The following NDUFS1 variants were observed in gnomAD, a reference collection of about 807,000 sequenced individuals.
NDUFS1 encodes the protein NADH-ubiquinone oxidoreductase 75 kDa subunit, mitochondrial.
A neutral mutation model predicts 84.4 loss-of-function variants in NDUFS1; 61 were observed. The ratio of observed to expected loss-of-function variants is 0.72; its 90% CI spans 0.59 to 0.89. The LOEUF is 0.89. Ranked by LOEUF, NDUFS1 falls within the 40% of genes least tolerant of loss-of-function variation. The pLI is 0.00. For synonymous variants in NDUFS1, 275 were observed against 290.0 expected (o/e 0.95, Z 0.53); for missense variants, 891 against 890.0 (o/e 1.00, Z -0.01).
intron 3 of NDUFS1, 70 bp downstream of exon 3, chr2:206,152,349 T>C (rs1337283448): frequency 1.8e-6 from 2 of 1,096,480 alleles, no homozygotes; most frequent in South Asian, 1.3e-5. Flanking sequence ...ATAATCAGTA[T>C]AAAGGAAATA....
chr2:206,150,000 A>G, intron 3 of NDUFS1, 75 bp from the exon 4 acceptor site: 1 of 928,756 alleles, frequency 1.1e-6, no homozygotes, highest in South Asian at 1.3e-5. Context: ...TTGCTGAAAC[A>G]CACACATACA....
chr2:206,116,987 T>A lies in NDUFS1; in HGVS notation c.*7198A>T, dbSNP rs566522318. On this transcript the variant is annotated 3_prime_UTR_variant, in exon 19 of 19. Transcript: ENST00000233190. ...TGAGCTGAGATTGTGCCACTGCACT[T>A]CAGCCTGGGCGACAAACTGAGACTC... 13 of 152,096 alleles carry A rather than the reference T, an allele frequency of 8.5e-5. No individual in the cohort carries two copies. Among genetic ancestry groups the A allele is most frequent in the African/African-American group, 2.2e-4 (9 of 41,434 alleles). The allele number at this position is 152,096 out of a possible 1,614,324, so 9.4% of individuals were successfully genotyped here.
intron 13 of NDUFS1, among the ~76,000 whole-genome samples, chr2:206,134,629 G>C (rs1334719428): frequency 3.3e-5 from 5 of 151,448 alleles, no homozygotes; most frequent in Admixed American, 6.6e-5. Flanking sequence ...TTAAATACAA[G>C]GACAGGAAAG....
chr2:206,131,379 T>C (rs1463354295), intron 14 of NDUFS1, among the ~76,000 whole-genome samples: 1 of 152,212 alleles, frequency 6.6e-6, no homozygotes, highest in African/African-American at 2.4e-5. Context: ...ATTAACATTT[T>C]TATTTACAAA....
In NDUFS1 at chr2:206,138,622, A is replaced by G. The variant is rs1297091011; in HGVS notation, c.1263-8T>C. ...AAGTCATTATGCAGCCAGCTGAAATAAAAACAACATTTTAAGAAGTAAATA... is the reference window on the plus strand; with the variant it reads ...AAGTCATTATGCAGCCAGCTGAAATGAAAACAACATTTTAAGAAGTAAATA... On this transcript the variant is annotated splice_polypyrimidine_tract_variant and splice_region_variant and intron_variant, in intron 12 of 18. Coordinates refer to ENST00000233190, the MANE Select transcript of NDUFS1 (RefSeq NM_005006.7). 1 of 1,613,620 alleles carries G rather than the reference A, an allele frequency of 6.2e-7. No individual in the cohort carries two copies. The highest frequency in any genetic ancestry group is 8.5e-7 in the Non-Finnish European group (1 of 1,179,612).
chr2:206,131,866 G>A (rs1257463107), intron 14 of NDUFS1, among the ~76,000 whole-genome samples: 1 of 152,100 alleles, frequency 6.6e-6, no homozygotes, highest in Non-Finnish European at 1.5e-5. Context: ...TTGAACTTCA[G>A]GGATGGAGGT....
At chr2:206,137,309 A>G (rs1462252482) in intron 13 of NDUFS1, among the ~76,000 whole-genome samples, 2 of 152,092 alleles carry the variant, frequency 1.3e-5, no homozygotes, top group Non-Finnish European at 2.9e-5. Flanking sequence ...CCCCGTCTCT[A>G]CTAAAAATAC....
At chr2:206,125,055 A>G (rs749722641) in intron 18 of NDUFS1, among the ~76,000 whole-genome samples, 5 of 150,526 alleles carry the variant, frequency 3.3e-5, no homozygotes, top group Non-Finnish European at 7.4e-5. Context: ...TATGTTGCCC[A>G]GGCTGGTCTG....
rs1417388265 is a variant in NDUFS1 at position 206,121,009 on chromosome 2, T to A, written c.*3176A>T. ...TACTTCTAATTAAACACTCCTGCCA[T>A]TAGTATCTAGCTGTGTAGCCATAAA... On this transcript the variant is annotated 3_prime_UTR_variant, in exon 19 of 19. Coordinates refer to ENST00000233190, the MANE Select transcript of NDUFS1 (RefSeq NM_005006.7). 5 of 152,244 alleles carry A rather than the reference T, an allele frequency of 3.3e-5. No homozygotes were observed. The highest frequency in any genetic ancestry group is 7.3e-5 in the Non-Finnish European group (5 of 68,036). 9.4% of individuals were successfully genotyped at this position (152,244 alleles called of 1,614,324 possible). A position where few individuals can be genotyped will look rare whatever the true frequency, so the allele number is the denominator to read the frequency against.
At chr2:206,150,825 T>C (rs1468638378) in intron 3 of NDUFS1, among the ~76,000 whole-genome samples, 5 of 152,054 alleles carry the variant, frequency 3.3e-5, no homozygotes, top group Admixed American at 1.3e-4. Flanking sequence ...ACCTAACAAA[T>C]GCAGAAAACC....
intron 14 of NDUFS1, 59 bp downstream of exon 14, chr2:206,132,886 A>G: frequency 7.0e-7 from 1 of 1,427,470 alleles, no homozygotes; most frequent in Non-Finnish European, 9.9e-7. Flanking sequence ...TATCAGGAAC[A>G]CATACATATA....
At position 206,122,590 on chromosome 2, in the gene NDUFS1, C is replaced by T. The variant is rs1691128907; in HGVS notation, c.*1595G>A. 4 of 137,840 alleles carry T rather than the reference C, an allele frequency of 2.9e-5. No individual in the cohort carries two copies. In the Admixed American group the frequency reaches 3.0e-4, roughly 10 times the overall value. 8.5% of individuals were successfully genotyped at this position (137,840 alleles called of 1,614,324 possible). ...ATTGCAGTGAGCCAAGATCATGCCA[C>T]TGCATTCCAGCCTTGGGTGACAGAG... On this transcript the variant is annotated 3_prime_UTR_variant, in exon 19 of 19. Transcript: ENST00000233190.
chr2:206,148,696 T>C (rs1438599133), intron 5 of NDUFS1, among the ~76,000 whole-genome samples: 1 of 152,154 alleles, frequency 6.6e-6, no homozygotes, highest in Admixed American at 6.6e-5. Context: ...CAGAAAATAT[T>C]CACATTAATT....
At chr2:206,131,118 A>T (rs983090833) in intron 14 of NDUFS1, among the ~76,000 whole-genome samples, 2 of 152,204 alleles carry the variant, frequency 1.3e-5, no homozygotes, top group African/African-American at 4.8e-5. Context: ...TTTGTTAACT[A>T]TCTAGAAATA....
At chr2:206,126,903 T>C in intron 16 of NDUFS1, 59 bp from the exon 17 acceptor site, 1 of 1,590,350 alleles carries the variant, frequency 6.3e-7, no homozygotes, top group Non-Finnish European at 8.6e-7. Context: ...AAATATCAAA[T>C]AATAGATAAT....
chr2:206,121,474 A>T lies in NDUFS1; in HGVS notation c.*2711T>A, dbSNP rs1332180334. 1 of 152,038 alleles carries T rather than the reference A, an allele frequency of 6.6e-6. No individual in the cohort carries two copies. The highest frequency in any genetic ancestry group is 1.5e-5 in the Non-Finnish European group (1 of 68,010). The allele number at this position is 152,038 out of a possible 1,614,324, so 9.4% of individuals were successfully genotyped here. A position where few individuals can be genotyped will look rare whatever the true frequency, so the allele number is the denominator to read the frequency against. ...TTTATTTATTTATTTTTTGAGAGGGAGGCTTGTTTCTTCACCCAGGCTGCA... is the reference window on the plus strand; with the variant it reads ...TTTATTTATTTATTTTTTGAGAGGGTGGCTTGTTTCTTCACCCAGGCTGCA... On this transcript the variant is annotated 3_prime_UTR_variant, in exon 19 of 19. Coordinates refer to ENST00000233190, the MANE Select transcript of NDUFS1 (RefSeq NM_005006.7).
intron 13 of NDUFS1, among the ~76,000 whole-genome samples, chr2:206,135,483 G>A (rs1354780417): frequency 7.2e-5 from 11 of 151,872 alleles, no homozygotes; most frequent in Non-Finnish European, 7.4e-5. Context: ...GACCATCCTG[G>A]CCAACATGGT....
intron 1 of NDUFS1, chr2:206,159,091 C>T (rs1219655592): frequency 6.5e-7 from 1 of 1,535,718 alleles, no homozygotes; most frequent in South Asian, 1.2e-5. Flanking sequence ...CACCTGCAAG[C>T]CTACATTCGT....
In NDUFS1 at chr2:206,121,156, GTAT is replaced by G. The variant is rs371221484; in HGVS notation, c.*3026_*3028del. ...TTATTTAGAAGGTCCTCAGGAAATGGTATTATTATTCCAAGGTCTTTCTAGATT... is the reference window on the plus strand; with the variant it reads ...TTATTTAGAAGGTCCTCAGGAAATGGTATTATTCCAAGGTCTTTCTAGATT... On this transcript the variant is annotated 3_prime_UTR_variant, in exon 19 of 19. Coordinates refer to ENST00000233190, the MANE Select transcript of NDUFS1 (RefSeq NM_005006.7). 2.4e-3 allele frequency: 372 copies of G among 152,278 alleles called. 3 individuals are homozygous for G. The highest frequency in any genetic ancestry group is 8.6e-3 in the African/African-American group (357 of 41,556). The allele number at this position is 152,278 out of a possible 1,614,324, so 9.4% of individuals were successfully genotyped here.
Sources: gnomAD v4.1 joint callset for allele counts (sites outside exome capture counted in the v4.1 genomes callset) on GRCh38, gnomAD v4.1.1 for gene constraint, MANE v1.5 for transcripts, NCBI Gene and HGNC (gene_info 2026-07-23, HGNC 2026-07-21) for gene names.